NCK1: variants seen among roughly 807,000 people sequenced by gnomAD.
The protein encoded by NCK1 is SH2/SH3 adapter protein NCK1.
A neutral mutation model predicts 36.6 loss-of-function variants in NCK1; 19 were observed. The ratio of observed to expected loss-of-function variants is 0.52; its 90% CI spans 0.36 to 0.76. The LOEUF (loss-of-function observed/expected upper bound fraction) is 0.76, where lower values mean the gene tolerates loss of function less well. NCK1 is among the 30% of genes least tolerant of loss of function. The pLI is 0.00. For synonymous variants in NCK1, 165 were observed against 156.0 expected (o/e 1.06, Z -0.43); for missense variants, 358 against 445.6 (o/e 0.80, Z 1.77).
chr3:136,870,684 CT>C (rs1394345964), intron 1 of NCK1, among the ~76,000 whole-genome samples: 10 of 76,208 alleles, frequency 1.3e-4, no homozygotes, highest in African/African-American at 2.0e-4. Context: ...TAGCTATAGT[CT>C]TTAAAAAAAA....
intron 1 of NCK1, among the ~76,000 whole-genome samples, chr3:136,925,549 A>G (rs1273383375): frequency 1.3e-5 from 2 of 152,190 alleles, no homozygotes; most frequent in Non-Finnish European, 1.5e-5. Context: ...AACCCTGGCA[A>G]CTACTAATCT....
chr3:136,876,757 G>A (rs576752824), intron 1 of NCK1, among the ~76,000 whole-genome samples: 1 of 152,150 alleles, frequency 6.6e-6, no homozygotes, highest in South Asian at 2.1e-4. Context: ...AAGGATAGCT[G>A]TAAGGCTACA....
chr3:136,946,841 A>G (rs1940841432), intron 3 of NCK1: 1 of 152,452 alleles, frequency 6.6e-6, no homozygotes, highest in Non-Finnish European at 1.5e-5. Flanking sequence ...TTTGCAATAA[A>G]AGATAAATTA....
chr3:136,869,798 T>G (rs768338646), intron 1 of NCK1, among the ~76,000 whole-genome samples: 34 of 152,080 alleles, frequency 2.2e-4, no homozygotes, highest in Admixed American at 3.3e-4. Context: ...TGTTTTTCAT[T>G]TATTTTTTGG....
At chr3:136,893,267 G>A (rs1181730188) in intron 1 of NCK1, among the ~76,000 whole-genome samples, 1 of 149,794 alleles carries the variant, frequency 6.7e-6, no homozygotes, top group South Asian at 2.1e-4. Context: ...GGGATTGCTC[G>A]ATCTACTTTC....
chr3:136,936,185 C>T (rs1377238853), intron 2 of NCK1, among the ~76,000 whole-genome samples: 1 of 151,936 alleles, frequency 6.6e-6, no homozygotes, highest in East Asian at 1.9e-4. Flanking sequence ...GGATTACAGG[C>T]ACATGCCACC....
chr3:136,870,050 T>A lies in NCK1; in HGVS notation c.-19+7697T>A, dbSNP rs1049175595. Among the ~76,000 whole-genome samples the A allele has an allele frequency of 7.6e-3, 773 of 101,528 alleles. 10 individuals are homozygous for A. Among genetic ancestry groups the A allele is most frequent in the African/African-American group, 0.021 (738 of 35,376 alleles). The allele number at this position is 101,528 out of a possible 152,430, so 66.6% of individuals were successfully genotyped here. A position where few individuals can be genotyped will look rare whatever the true frequency, so the allele number is the denominator to read the frequency against. On this transcript the variant is annotated intron_variant, in intron 1 of 3. Coordinates refer to ENST00000481752, the MANE Select transcript of NCK1 (RefSeq NM_001291999.2). ...AAAGTTTTTTTTTTTTTTTTTTTTTTAAAAGAATCATCCTGGCCCAGCGCA... is the reference window on the plus strand; with the variant it reads ...AAAGTTTTTTTTTTTTTTTTTTTTTAAAAAGAATCATCCTGGCCCAGCGCA...
chr3:136,890,527 G>A (rs746531383), intron 1 of NCK1, among the ~76,000 whole-genome samples: 2 of 152,364 alleles, frequency 1.3e-5, no homozygotes, highest in East Asian at 1.9e-4. Flanking sequence ...AAGAGCGAGC[G>A]AGGGCTTTGA....
At chr3:136,898,080 A>G (rs1468418598) in intron 1 of NCK1, among the ~76,000 whole-genome samples, 2 of 152,160 alleles carry the variant, frequency 1.3e-5, no homozygotes, top group African/African-American at 4.8e-5. Flanking sequence ...TCATTTTATC[A>G]TGAAGTGTGG....
chr3:136,870,142 G>T (rs1285796161), intron 1 of NCK1, among the ~76,000 whole-genome samples: 2 of 149,682 alleles, frequency 1.3e-5, no homozygotes, highest in Admixed American at 1.4e-4. Flanking sequence ...AGGAGTTCGA[G>T]ACCAGCCTGG....
chr3:136,882,547 C>CTGTGTG (rs35463509), intron 1 of NCK1, among the ~76,000 whole-genome samples: 6,666 of 143,430 alleles, frequency 0.046, 166 homozygotes, highest in Non-Finnish European at 0.065. Flanking sequence ...TCCCACATCA[C>CTGTGTG]TGTGTGTGTG....
At chr3:136,874,472 G>A (rs548368126) in intron 1 of NCK1, among the ~76,000 whole-genome samples, 78 of 152,268 alleles carry the variant, frequency 5.1e-4, no homozygotes, top group Non-Finnish European at 9.3e-4. Flanking sequence ...GAGCCACCAC[G>A]CCCGGCCCGT....
At chr3:136,863,698 A>C (rs1428099807) in intron 1 of NCK1, among the ~76,000 whole-genome samples, 1 of 152,202 alleles carries the variant, frequency 6.6e-6, no homozygotes. Flanking sequence ...TCATGTATTA[A>C]ATTTTAAAAT....
chr3:136,876,010 C>T (rs1161209416), intron 1 of NCK1, among the ~76,000 whole-genome samples: 6 of 151,740 alleles, frequency 4.0e-5, no homozygotes, highest in Admixed American at 6.6e-5. Flanking sequence ...CACTCAAAAC[C>T]GCTCAACTAC....
chr3:136,891,415 A>C (rs538992794), intron 1 of NCK1, among the ~76,000 whole-genome samples: 15 of 152,328 alleles, frequency 9.8e-5, no homozygotes, highest in Non-Finnish European at 1.8e-4. Flanking sequence ...GATTACAGGC[A>C]TGAGCCACCA....
At chr3:136,902,664 C>T (rs1271764255) in intron 1 of NCK1, among the ~76,000 whole-genome samples, 1 of 151,928 alleles carries the variant, frequency 6.6e-6, no homozygotes, top group African/African-American at 2.4e-5. Context: ...TGCTGGTGCC[C>T]ACTTTAATCA....
intron 1 of NCK1, among the ~76,000 whole-genome samples, chr3:136,893,930 G>A (rs1267648906): frequency 6.6e-6 from 1 of 152,066 alleles, no homozygotes; most frequent in African/African-American, 2.4e-5. Context: ...TGTCCTTTCG[G>A]CTTTCATCCT....
intron 2 of NCK1, among the ~76,000 whole-genome samples, chr3:136,937,950 G>T (rs1261501819): frequency 2.6e-5 from 2 of 78,388 alleles, no homozygotes; most frequent in Non-Finnish European, 5.7e-5. Context: ...AAAAGTGGTG[G>T]AAGGAGAGCA....
chr3:136,874,703 CAT>C (rs1296360598), intron 1 of NCK1, among the ~76,000 whole-genome samples: 1 of 152,074 alleles, frequency 6.6e-6, no homozygotes, highest in Non-Finnish European at 1.5e-5. Flanking sequence ...TTCCATGAAT[CAT>C]ATAGTGTTTT....
Sources: allele counts gnomAD v4.1 joint callset (sites outside exome capture counted in the v4.1 genomes callset), GRCh38; gene constraint gnomAD v4.1.1; transcripts MANE v1.5; gene names NCBI Gene and HGNC (gene_info 2026-07-23, HGNC 2026-07-21).